LINGO2: variants seen among roughly 807,000 people sequenced by gnomAD.
The protein encoded by LINGO2 is leucine-rich repeat and immunoglobulin-like domain-containing nogo receptor-interacting protein 2.
In LINGO2, 14 loss-of-function variants were observed where a neutral mutation model predicts 30.6. That is an observed-to-expected ratio of 0.46 (90% confidence interval 0.30 to 0.72). The LOEUF (loss-of-function observed/expected upper bound fraction) is 0.72, where lower values mean the gene tolerates loss of function less well. Ranked by LOEUF, LINGO2 falls within the 30% of genes least tolerant of loss-of-function variation. LINGO2 has a pLI of 0.07. For synonymous variants in LINGO2, 317 were observed against 288.5 expected, an observed-to-expected ratio of 1.10 and a Z score of -1.00; for missense variants, 729 against 751.7, an observed-to-expected ratio of 0.97 and a Z score of 0.35.
chr9:28,685,327 C>G, the LINGO2 span, among the ~76,000 whole-genome samples: 1 of 152,064 alleles, frequency 6.6e-6, no homozygotes, highest in East Asian at 1.9e-4. Flanking sequence ...CCTCTTCCAC[C>G]TGAAGAATTA....
chr9:28,695,552 G>A, the LINGO2 span, among the ~76,000 whole-genome samples: 2 of 151,952 alleles, frequency 1.3e-5, no homozygotes, highest in East Asian at 1.9e-4. Flanking sequence ...GACAAACAAT[G>A]AAGTGATGGA....
chr9:28,422,996 G>C (rs2134890251), intron 2 of LINGO2, among the ~76,000 whole-genome samples: 1 of 152,138 alleles, frequency 6.6e-6, no homozygotes, highest in African/African-American at 2.4e-5. Context: ...GAGACAGAAA[G>C]AATGATGGTT....
At position 28,513,084 on chromosome 9, in the gene LINGO2, T is replaced by TACACACACACACAC; in HGVS notation, c.-364-37073_-364-37060dup. Among the ~76,000 whole-genome samples, 2 of 146,650 alleles carry TACACACACACACAC rather than the reference T, an allele frequency of 1.4e-5. 1 individual carries two copies. Among genetic ancestry groups the TACACACACACACAC allele is most frequent in the Non-Finnish European group, 3.0e-5 (2 of 66,844 alleles). ...AGTTGATGCTCAGTATTAACCATCA[T>TACACACACACACAC]ACACACACACACACACACACACACA... On this transcript the variant is annotated intron_variant, in intron 1 of 5. Transcript: ENST00000379992.
rs147284003 is a variant in LINGO2 at position 28,083,212 on chromosome 9, A to G, written c.-86-70807T>C. On this transcript the variant is annotated intron_variant, in intron 4 of 5. Transcript: ENST00000379992. The stretch of plus-strand genomic sequence containing the variant: ...TGAGCACAAGGACATCCCTGTGGGC[A>G]GGAAGCCTGAGTGTTTGCTCTGGGA... 2.7e-3 allele frequency among the ~76,000 whole-genome samples: 408 copies of G among 152,334 alleles called. 4 individuals are homozygous for G. Among genetic ancestry groups the G allele is most frequent in the South Asian group, 0.011 (51 of 4,830 alleles).
At chr9:28,090,310 C>T (rs565261019) in intron 4 of LINGO2, among the ~76,000 whole-genome samples, 1 of 152,210 alleles carries the variant, frequency 6.6e-6, no homozygotes, top group Non-Finnish European at 1.5e-5. Context: ...TGCAAAAATC[C>T]TCAATAAAAT....
At chr9:28,790,325 C>CTTTCTTTTT in the LINGO2 span, among the ~76,000 whole-genome samples, 2 of 106,300 alleles carry the variant, frequency 1.9e-5, no homozygotes, top group African/African-American at 7.8e-5. Context: ...TCTTTTCTTT[C>CTTTCTTTTT]TTTTTTTTTT....
intron 4 of LINGO2, among the ~76,000 whole-genome samples, chr9:28,095,720 T>G (rs1826224200): frequency 1.3e-5 from 2 of 152,104 alleles, no homozygotes; most frequent in Admixed American, 6.6e-5. Flanking sequence ...GGGATCTAAT[T>G]AAATTAAAGA....
intron 1 of LINGO2, among the ~76,000 whole-genome samples, chr9:28,489,424 C>A (rs970900605): frequency 6.6e-6 from 1 of 152,126 alleles, no homozygotes; most frequent in South Asian, 2.1e-4. Flanking sequence ...CCTGCCTCAG[C>A]CTCTCGAAGC....
chr9:28,631,287 C>T (rs952402988), intron 1 of LINGO2, among the ~76,000 whole-genome samples: 7 of 151,320 alleles, frequency 4.6e-5, no homozygotes, highest in African/African-American at 1.7e-4. Flanking sequence ...TTAGGTATAT[C>T]CCCCAATGCC....
At chr9:28,077,197 C>G (rs1223481993) in intron 4 of LINGO2, among the ~76,000 whole-genome samples, 4 of 151,870 alleles carry the variant, frequency 2.6e-5, no homozygotes, top group African/African-American at 9.7e-5. Context: ...GTCAATGGAC[C>G]ACCAAGATGT....
At chr9:28,223,157 T>A (rs975593406) in intron 4 of LINGO2, among the ~76,000 whole-genome samples, 1 of 152,220 alleles carries the variant, frequency 6.6e-6, no homozygotes, top group African/African-American at 2.4e-5. Context: ...TGTCCATTTG[T>A]GCTTCTGTAA....
At chr9:29,036,154 A>G in the LINGO2 span, among the ~76,000 whole-genome samples, 1,783 of 152,234 alleles carry the variant, frequency 0.012, 20 homozygotes, top group Non-Finnish European at 0.018. Context: ...TAATTTATCA[A>G]TACTTACACT....
the LINGO2 span, among the ~76,000 whole-genome samples, chr9:29,160,104 C>A: frequency 4.1e-3 from 631 of 152,244 alleles, 3 homozygotes; most frequent in African/African-American, 0.015. Context: ...TTTATTCAAA[C>A]ACAGATTGCT....
the LINGO2 span, among the ~76,000 whole-genome samples, chr9:29,108,937 T>C: frequency 6.6e-6 from 1 of 152,226 alleles, no homozygotes; most frequent in Non-Finnish European, 1.5e-5. Context: ...TATGCACTTA[T>C]TCTAACTTCT....
At chr9:27,994,161 G>A (rs10968261) in intron 5 of LINGO2, among the ~76,000 whole-genome samples, 17,562 of 151,666 alleles carry the variant, frequency 0.12, 1,186 homozygotes, top group Non-Finnish European at 0.16. Context: ...AGTACTAAAC[G>A]GAAATTTATA....
chr9:28,076,752 T>A (rs1011384875), intron 4 of LINGO2, among the ~76,000 whole-genome samples: 2 of 152,264 alleles, frequency 1.3e-5, no homozygotes, highest in Admixed American at 6.5e-5. Flanking sequence ...TTGTCAGCTA[T>A]CTTTGGAGCA....
downstream of LINGO2, among the ~76,000 whole-genome samples, chr9:27,946,045 A>T (rs548211304): frequency 6.6e-6 from 1 of 151,192 alleles, no homozygotes; most frequent in South Asian, 2.1e-4. Context: ...ATACGTCACA[A>T]GAGTATTACT....
the LINGO2 span, among the ~76,000 whole-genome samples, chr9:28,749,599 TAA>T: frequency 2.6e-5 from 4 of 151,894 alleles, no homozygotes; most frequent in East Asian, 7.8e-4. Flanking sequence ...TCAGCATTTA[TAA>T]AAAAAATTAT....
chr9:29,075,997 C>G, the LINGO2 span, among the ~76,000 whole-genome samples: 1 of 151,990 alleles, frequency 6.6e-6, no homozygotes, highest in African/African-American at 2.4e-5. Context: ...TAGTAATCCT[C>G]CCACCACAGC....
Sources: allele counts gnomAD v4.1 joint callset (sites outside exome capture counted in the v4.1 genomes callset), GRCh38; gene constraint gnomAD v4.1.1; transcripts MANE v1.5; gene names NCBI Gene and HGNC (gene_info 2026-07-23, HGNC 2026-07-21).